MAG: variants seen among roughly 807,000 people sequenced by gnomAD.
MAG encodes the protein myelin-associated glycoprotein.
Under a neutral mutation model 60.7 loss-of-function variants are expected in MAG, and 30 were observed. That is an observed-to-expected ratio of 0.49 (90% CI 0.37 to 0.67). The LOEUF (loss-of-function observed/expected upper bound fraction) is 0.67. Ranked by LOEUF, MAG falls within the 30% of genes least tolerant of loss-of-function variation. The pLI, the probability that MAG is intolerant of heterozygous loss-of-function variation, is 0.00. For missense variants in MAG, 795 were observed against 851.7 expected, an observed-to-expected ratio of 0.93 and a Z score of 0.83; for synonymous variants, 384 against 376.8, an observed-to-expected ratio of 1.02 and a Z score of -0.22.
chr19:35,292,613 T>A (rs777814270), intron 1 of MAG, among the ~76,000 whole-genome samples: 1 of 151,846 alleles, frequency 6.6e-6, no homozygotes, highest in Non-Finnish European at 1.5e-5. Flanking sequence ...GGGCTGTTAG[T>A]GACTGCATTC....
chr19:35,293,428 GT>G lies in MAG; in HGVS notation c.-79-805del, dbSNP rs1426409015. 1.3e-5 allele frequency among the ~76,000 whole-genome samples: 2 copies of G among 152,024 alleles called. No homozygotes were observed. The highest frequency in any genetic ancestry group is 1.3e-4 in the Admixed American group (2 of 15,268). ...CAGGGGTCCCTGTGCCTGTCTGTGTGTTCAGGGTCCTGTCTGGGTGTCTGTA... is the reference window on the plus strand; with the variant it reads ...CAGGGGTCCCTGTGCCTGTCTGTGTGTCAGGGTCCTGTCTGGGTGTCTGTA... On this transcript the variant is annotated intron_variant, in intron 1 of 10. Coordinates refer to ENST00000392213, the MANE Select transcript of MAG (RefSeq NM_002361.4). The surrounding 1 kb of genome is among the most constrained non-coding windows in gnomAD (Gnocchi z 4.0).
At chr19:35,310,459 A>G in intron 8 of MAG, 88 bp from the exon 9 acceptor site, 1 of 1,157,028 alleles carries the variant, frequency 8.6e-7, no homozygotes, top group South Asian at 1.2e-5. Flanking sequence ...GACTACATTG[A>G]CTGTCATCCC....
chr19:35,309,939 G>A lies in MAG; in HGVS notation c.1297G>A (p.Val433Met), dbSNP rs146536656. Residue 433 changes from valine (V) to methionine (M), a missense_variant, in exon 8 of 11, where the codon GTG (valine) becomes ATG (methionine). Val to Met is a conservative substitution (Grantham distance 21). Transcript: ENST00000392213. ...CCGAGACACGGTGCAGTGCCTGTGC[G>A]TGGTGAAGTCCAACCCGGAGCCGTC... ...AARDTVQCLCVVKSNPEPSVA... is the reference protein window; with the variant it reads ...AARDTVQCLCMVKSNPEPSVA... 5.0e-6 allele frequency: 8 copies of A among 1,613,836 alleles called. No individual in the cohort carries two copies. Among genetic ancestry groups the A allele is most frequent in the Admixed American group, 1.7e-5 (1 of 60,010 alleles).
chr19:35,302,821 G>A, intron 7 of MAG, 113 bp downstream of exon 7: 2 of 1,337,550 alleles, frequency 1.5e-6, no homozygotes, highest in Non-Finnish European at 2.0e-6. Flanking sequence ...GTCCTCCGCA[G>A]AGACAAGGAA....
At chr19:35,309,683 C>G in intron 7 of MAG, 191 bp from the exon 8 acceptor site, 1 of 627,228 alleles carries the variant, frequency 1.6e-6, no homozygotes, top group Non-Finnish European at 2.8e-6. Flanking sequence ...AACAGGCAGC[C>G]GGCGGGGTCG....
At position 35,310,074 on chromosome 19, in the gene MAG, G is replaced by C. The variant is rs779375781; in HGVS notation, c.1432G>C (p.Gly478Arg). Residue 478 changes from glycine (G) to arginine (R), a missense_variant, in exon 8 of 11, where the codon GGG (glycine) becomes CGG (arginine). Physicochemically the swap from Gly to Arg is moderately radical, Grantham distance 125. Transcript: ENST00000392213. The part of the protein sequence containing the change: ...LVLTSILTLR[G>R]QAQAPPRVIC... ...GCTCACCAGCATCCTCACGCTGCGG[G>C]GGCAGGCCCAGGCCCCGCCCCGCGT... The C allele has an allele frequency of 6.2e-7, 1 of 1,613,318 alleles. No homozygotes were observed. The highest frequency in any genetic ancestry group is 8.5e-7 in the Non-Finnish European group (1 of 1,179,868).
intron 7 of MAG, among the ~76,000 whole-genome samples, chr19:35,306,440 A>C (rs1227851225): frequency 1.3e-5 from 2 of 151,772 alleles, no homozygotes; most frequent in Admixed American, 6.6e-5. Context: ...TTTTAATTTT[A>C]ATTTTTTATT....
chr19:35,295,813 G>C lies in MAG; in HGVS notation c.247G>C (p.Glu83Gln), dbSNP rs1370735481. The C allele has an allele frequency of 1.9e-6, 3 of 1,613,952 alleles. No homozygotes were observed. The highest frequency in any genetic ancestry group is 2.5e-6 in the Non-Finnish European group (3 of 1,180,018). ...VFKSRTQVVH[E>Q]SFQGRSRLLG... ...CAAGTCGCGCACCCAAGTAGTCCAC[G>C]AGAGCTTCCAGGGCCGCAGCCGCCT... The change falls in exon 4 of 11, where the codon GAG (glutamate) becomes CAG (glutamine). Residue 83 changes from glutamate (E) to glutamine (Q), a missense_variant. Transcript: ENST00000392213. The surrounding 1 kb of genome is among the most constrained non-coding windows in gnomAD (Gnocchi z 5.8).
intron 4 of MAG, among the ~76,000 whole-genome samples, chr19:35,296,874 C>T (rs2066402027): frequency 2.0e-5 from 3 of 151,158 alleles, no homozygotes; most frequent in African/African-American, 4.9e-5. Flanking sequence ...ACTGCTCCTG[C>T]TACCTACACA....
Position 35,300,392 on chromosome 19 carries a change from C to T in MAG, c.958C>T (p.Leu320Phe), listed in dbSNP as rs1176066697. Residue 320 changes from leucine to phenylalanine, a missense_variant, in exon 6 of 11, where the codon CTC becomes TTC. By Grantham distance (22) the Leu-to-Phe change is conservative. Coordinates refer to ENST00000392213, the MANE Select transcript of MAG (RefSeq NM_002361.4). ...AYGQDNRTVG[L>F]SVMYAPWKPT... The stretch of plus-strand genomic sequence containing the variant: ...TGGCCAGGACAACCGCACCGTGGGG[C>T]TCAGTGTCATGTGTGAGTGGCCCAC... 1.8e-5 allele frequency: 28 copies of T among 1,573,472 alleles called. No homozygotes were observed. Among genetic ancestry groups the T allele is most frequent in the Non-Finnish European group, 2.3e-5 (27 of 1,161,228 alleles).
intron 9 of MAG, among the ~76,000 whole-genome samples, 170 bp downstream of exon 9, chr19:35,310,813 C>T (rs2066521626): frequency 1.3e-5 from 2 of 152,216 alleles, no homozygotes; most frequent in African/African-American, 4.8e-5. Context: ...CTGTTAATTC[C>T]AGCCCCTGCT....
chr19:35,295,347 A>C lies in MAG; in HGVS notation c.-23-39A>C, dbSNP rs1285881902. The C allele has an allele frequency of 6.3e-7, 1 of 1,585,854 alleles. No homozygotes were observed. Among genetic ancestry groups the C allele is most frequent in the Admixed American group, 1.7e-5 (1 of 59,088 alleles). On this transcript the variant is annotated intron_variant, in intron 2 of 10. Transcript: ENST00000392213. The surrounding 1 kb of genome is among the most constrained non-coding windows in gnomAD (Gnocchi z 5.8). ...AAGCCCAGATGGAACACCCCCTTTC[A>C]CTTCCCCCAGCCTTTAACCCTCTCC... is the stretch of plus-strand genomic sequence containing the variant.
At chr19:35,296,575 A>C (rs1054218904) in intron 4 of MAG, among the ~76,000 whole-genome samples, 6 of 152,148 alleles carry the variant, frequency 3.9e-5, no homozygotes, top group Non-Finnish European at 8.8e-5. Flanking sequence ...CTTTAAGCCA[A>C]ATAGAATACA....
At chr19:35,294,010 G>T (rs567531482) in intron 1 of MAG, among the ~76,000 whole-genome samples, 1 of 151,954 alleles carries the variant, frequency 6.6e-6, no homozygotes, top group African/African-American at 2.4e-5. Context: ...ACCCCGATGC[G>T]GTCGTTCCCC....
chr19:35,308,977 C>A (rs2269757), intron 7 of MAG, among the ~76,000 whole-genome samples: 5 of 151,814 alleles, frequency 3.3e-5, no homozygotes, highest in Non-Finnish European at 5.9e-5. Flanking sequence ...TGTCTCTAAA[C>A]GATAAAAAAT....
At chr19:35,302,356 G>A (rs2066454474) in intron 6 of MAG, 92 bp from the exon 7 acceptor site, 2 of 1,487,014 alleles carry the variant, frequency 1.3e-6, no homozygotes, top group Non-Finnish European at 1.8e-6. Context: ...CTAGGTTTGG[G>A]GTGGGATCTG....
At chr19:35,296,028 G>A in intron 4 of MAG, 47 bp downstream of exon 4, 1 of 1,522,958 alleles carries the variant, frequency 6.6e-7, no homozygotes, top group Non-Finnish European at 8.8e-7. Flanking sequence ...GGGCAGCGGG[G>A]CGGGAAGGAG....
intron 2 of MAG, among the ~76,000 whole-genome samples, chr19:35,294,825 A>G (rs373428388): frequency 6.6e-6 from 1 of 152,316 alleles, no homozygotes; most frequent in East Asian, 1.9e-4. Context: ...GGTGGTGTGT[A>G]CCTGAGGTCC....
rs200660504 is a variant in MAG, at chr19:35,302,503, G to A, written c.1026G>A (p.Thr342=). The stretch of plus-strand genomic sequence containing the variant: ...CAATGGTGGCCGTAGAGGGGGAGAC[G>A]GTCTCTATCTTGTGCTCCACACAGA... The part of the protein sequence containing the change: ...NGTMVAVEGE[T]VSILCSTQSN... The change falls in exon 7 of 11, where the codon ACG becomes ACA. Residue 342 remains threonine, a synonymous_variant. Transcript: ENST00000392213. 23 of 1,614,136 alleles carry A rather than the reference G, an allele frequency of 1.4e-5. No individual in the cohort carries two copies. Among genetic ancestry groups the A allele is most frequent in the East Asian group, 6.7e-5 (3 of 44,872 alleles).
Sources: allele counts gnomAD v4.1 joint callset (sites outside exome capture counted in the v4.1 genomes callset), GRCh38; gene constraint gnomAD v4.1.1; non-coding constraint Gnocchi (gnomAD v3.1); transcripts MANE v1.5; gene names NCBI Gene and HGNC (gene_info 2026-07-23, HGNC 2026-07-21).